The following PAPPA variants were observed in gnomAD, a reference collection of about 807,000 sequenced individuals.
The protein encoded by PAPPA is pappalysin-1.
PAPPA carries 60 observed loss-of-function variants against 164.0 expected under a neutral mutation model. That is an observed-to-expected ratio of 0.37 (90% CI 0.30 to 0.45). The LOEUF (loss-of-function observed/expected upper bound fraction) is 0.45, where lower values mean the gene tolerates loss of function less well. Among genes scored for constraint, PAPPA ranks in the 20% least tolerant of loss-of-function variants. PAPPA has a pLI of 1.00. For synonymous variants in PAPPA, 875 were observed against 814.1 expected (o/e 1.07, Z -1.27); for missense variants, 1,782 against 2,087.3 (o/e 0.85, Z 2.85).
chr9:116,201,541 C>A (rs139390458), intron 2 of PAPPA, among the ~76,000 whole-genome samples: 1 of 152,324 alleles, frequency 6.6e-6, no homozygotes, highest in Non-Finnish European at 1.5e-5. Context: ...GGCCAGTTTT[C>A]TTTCAATCCA....
chr9:116,163,920 TG>T (rs959456459), intron 1 of PAPPA, among the ~76,000 whole-genome samples: 1 of 152,198 alleles, frequency 6.6e-6, no homozygotes, highest in Non-Finnish European at 1.5e-5. Context: ...AGACATTATT[TG>T]GGGAATATTG....
At chr9:116,317,362 A>T (rs1845799903) in intron 10 of PAPPA, among the ~76,000 whole-genome samples, 1 of 152,166 alleles carries the variant, frequency 6.6e-6, no homozygotes, top group Non-Finnish European at 1.5e-5. Context: ...TTGATTTAAA[A>T]TCAAAGGACA....
At chr9:116,263,297 C>T (rs1349378088) in intron 7 of PAPPA, among the ~76,000 whole-genome samples, 1 of 152,088 alleles carries the variant, frequency 6.6e-6, no homozygotes, top group East Asian at 1.9e-4. Context: ...CTTCTGGGAT[C>T]CAGAATTTTC....
chr9:116,331,148 G>A (rs958817732), intron 10 of PAPPA, 96 bp from the exon 11 acceptor site: 2 of 755,188 alleles, frequency 2.6e-6, no homozygotes, highest in South Asian at 3.5e-5. Flanking sequence ...GGTGCCAAGA[G>A]CAAAATAGGT....
rs1327622213 is a variant in PAPPA, at chr9:116,222,015, G to T, written c.2111+1886G>T. On this transcript the variant is annotated intron_variant, in intron 5 of 21. Transcript: ENST00000328252. ...GAGAAAAGGGAACACCTGTGCACTG[G>T]CAGTGGGAATGTAGGTTAATATAGC... Among the ~76,000 whole-genome samples, 3 of 152,200 alleles carry T rather than the reference G, an allele frequency of 2.0e-5. No individual in the cohort carries two copies. The East Asian group carries it at 5.8e-4, about 29-fold the overall frequency.
At chr9:116,276,543 C>T (rs1242407292) in intron 9 of PAPPA, among the ~76,000 whole-genome samples, 2 of 152,102 alleles carry the variant, frequency 1.3e-5, no homozygotes, top group Non-Finnish European at 2.9e-5. Flanking sequence ...AAAGCTTCTT[C>T]CCTCATCTGA....
chr9:116,262,874 G>C (rs1230928953), intron 7 of PAPPA, among the ~76,000 whole-genome samples: 1 of 152,210 alleles, frequency 6.6e-6, no homozygotes, highest in Non-Finnish European at 1.5e-5. Flanking sequence ...GAAGCCACTA[G>C]CTTATCCTTC....
chr9:116,224,617 T>C (rs775637060), intron 5 of PAPPA, among the ~76,000 whole-genome samples: 13 of 152,368 alleles, frequency 8.5e-5, no homozygotes, highest in Middle Eastern at 3.4e-3. Context: ...CCAATAGGAT[T>C]TGCTGCAATA....
intron 19 of PAPPA, 84 bp from the exon 20 acceptor site, chr9:116,377,492 G>A: frequency 1.1e-6 from 1 of 917,580 alleles, no homozygotes; most frequent in South Asian, 1.4e-5. Flanking sequence ...CAGAAGAGGT[G>A]AGGTGGTTAA....
At chr9:116,308,805 C>T (rs188406220) in intron 10 of PAPPA, among the ~76,000 whole-genome samples, 174 of 152,264 alleles carry the variant, frequency 1.1e-3, no homozygotes, top group Admixed American at 2.8e-3. Context: ...CACCCATTGC[C>T]CTTTCCAGAG....
intron 7 of PAPPA, among the ~76,000 whole-genome samples, chr9:116,242,801 C>T (rs1219992561): frequency 6.6e-6 from 1 of 152,192 alleles, no homozygotes; most frequent in African/African-American, 2.4e-5. Context: ...GTGCCAAGAC[C>T]TGCTATTTTG....
At chr9:116,234,082 A>G (rs1396948117) in intron 6 of PAPPA, among the ~76,000 whole-genome samples, 1 of 152,128 alleles carries the variant, frequency 6.6e-6, no homozygotes, top group African/African-American at 2.4e-5. Context: ...GAGGTCCTTC[A>G]TCTTACCATC....
intron 1 of PAPPA, among the ~76,000 whole-genome samples, chr9:116,177,143 C>T (rs1283752907): frequency 1.3e-5 from 2 of 152,168 alleles, no homozygotes; most frequent in African/African-American, 4.8e-5. Flanking sequence ...TCACATACAT[C>T]CTTCATGATG....
At chr9:116,219,545 T>C (rs1181577454) in intron 4 of PAPPA, among the ~76,000 whole-genome samples, 1 of 151,802 alleles carries the variant, frequency 6.6e-6, no homozygotes, top group African/African-American at 2.4e-5. Flanking sequence ...GAATGAGAGA[T>C]ATTGAGTGGG....
At chr9:116,211,567 A>C in intron 3 of PAPPA, 72 bp from the exon 4 acceptor site, 1 of 1,367,988 alleles carries the variant, frequency 7.3e-7, no homozygotes, top group Non-Finnish European at 1.0e-6. Context: ...TTTATCCTTG[A>C]TGGACTTGGG....
At chr9:116,171,486 A>G (rs1417551930) in intron 1 of PAPPA, among the ~76,000 whole-genome samples, 2 of 126,812 alleles carry the variant, frequency 1.6e-5, no homozygotes, top group African/African-American at 2.9e-5. Context: ...TCCAACCCCC[A>G]CTTTCAACCC....
chr9:116,384,568 C>T (rs997710617), intron 21 of PAPPA, among the ~76,000 whole-genome samples: 6 of 152,044 alleles, frequency 3.9e-5, no homozygotes, highest in Non-Finnish European at 8.8e-5. Context: ...TTTACTTCAA[C>T]TTTTATTTTT....
intron 7 of PAPPA, among the ~76,000 whole-genome samples, chr9:116,241,346 C>T (rs1333274050): frequency 6.6e-6 from 1 of 152,092 alleles, no homozygotes; most frequent in Non-Finnish European, 1.5e-5. Context: ...TATATAATAT[C>T]CCAGTTGGAA....
chr9:116,229,133 T>C (rs747794284), intron 6 of PAPPA, among the ~76,000 whole-genome samples: 5 of 152,152 alleles, frequency 3.3e-5, no homozygotes, highest in Non-Finnish European at 7.4e-5. Flanking sequence ...GGGGACCCCA[T>C]GCAGAACTGG....
Sources: gnomAD v4.1 joint callset for allele counts (sites outside exome capture counted in the v4.1 genomes callset) on GRCh38, gnomAD v4.1.1 for gene constraint, MANE v1.5 for transcripts, NCBI Gene and HGNC (gene_info 2026-07-23, HGNC 2026-07-21) for gene names.